NKAIN3: variants seen among roughly 807,000 people sequenced by gnomAD.
NKAIN3 encodes sodium/potassium transporting ATPase interacting 3, also known as sodium/potassium-transporting ATPase subunit beta-1-interacting protein 3.
Under a neutral mutation model 30.2 loss-of-function variants are expected in NKAIN3, and 25 were observed. The observed-to-expected ratio is 0.83, with a 90% CI of 0.60 to 1.16. The LOEUF (loss-of-function observed/expected upper bound fraction) is 1.16. NKAIN3 is among the 50% of genes most tolerant of loss of function. The probability of loss-of-function intolerance (pLI) is 0.00; values close to 1 mark genes in which losing one functional copy is unlikely to be tolerated. For synonymous variants in NKAIN3, 91 were observed against 89.6 expected (o/e 1.02, Z -0.09); for missense variants, 225 against 254.1 (o/e 0.89, Z 0.78).
intron 1 of NKAIN3, among the ~76,000 whole-genome samples, chr8:62,535,449 G>A (rs886698857): frequency 6.6e-6 from 1 of 152,032 alleles, no homozygotes; most frequent in African/African-American, 2.4e-5. Flanking sequence ...AGACTGCCCT[G>A]CCTTCCACTC....
chr8:62,940,239 C>G (rs1412031788), intron 5 of NKAIN3, among the ~76,000 whole-genome samples: 1 of 151,310 alleles, frequency 6.6e-6, no homozygotes, highest in Non-Finnish European at 1.5e-5. Context: ...ATATATGCAT[C>G]TAACACTTGA....
intron 4 of NKAIN3, among the ~76,000 whole-genome samples, chr8:62,871,588 T>C (rs1335703657): frequency 6.6e-6 from 1 of 152,228 alleles, no homozygotes; most frequent in Non-Finnish European, 1.5e-5. Context: ...ATTCATTTTA[T>C]AACTGCAGAG....
At chr8:62,293,112 A>T (rs534589983) in intron 1 of NKAIN3, among the ~76,000 whole-genome samples, 2 of 152,084 alleles carry the variant, frequency 1.3e-5, no homozygotes, top group Admixed American at 6.5e-5. Flanking sequence ...TACACTGTTT[A>T]TTCTAGTTAG....
At chr8:62,756,520 G>A (rs886875390) in intron 4 of NKAIN3, among the ~76,000 whole-genome samples, 1 of 152,028 alleles carries the variant, frequency 6.6e-6, no homozygotes, top group Non-Finnish European at 1.5e-5. Context: ...AATTTAGTTA[G>A]CCTTCACCTT....
chr8:62,806,850 A>T (rs192803539), intron 4 of NKAIN3, among the ~76,000 whole-genome samples: 57 of 151,864 alleles, frequency 3.8e-4, no homozygotes, highest in African/African-American at 1.3e-3. Flanking sequence ...TAAAATAAAA[A>T]CAATATCACC....
intron 1 of NKAIN3, among the ~76,000 whole-genome samples, chr8:62,564,106 A>T (rs1414213015): frequency 6.6e-6 from 1 of 152,242 alleles, no homozygotes; most frequent in Non-Finnish European, 1.5e-5. Context: ...CCTGCTTTCA[A>T]TGATTGTAAC....
At chr8:62,457,195 G>A (rs998871469) in intron 1 of NKAIN3, among the ~76,000 whole-genome samples, 2 of 152,182 alleles carry the variant, frequency 1.3e-5, no homozygotes, top group Non-Finnish European at 2.9e-5. Flanking sequence ...TTAGGTGGGG[G>A]ATATAAACGT....
Position 62,851,440 on chromosome 8 carries a change from C to A in NKAIN3, c.472-67013C>A, listed in dbSNP as rs1819893956. ...GACTTCCTCTTTTCCTAATTGAATA[C>A]CCTTTATTTCCTTCTCCTGCCTGAT... On this transcript the variant is annotated intron_variant, in intron 4 of 6. Transcript: ENST00000623646. Among the ~76,000 whole-genome samples the A allele has an allele frequency of 2.6e-5, 4 of 152,138 alleles. No individual in the cohort carries two copies. In the South Asian group the frequency reaches 8.3e-4, roughly 31 times the overall value.
At chr8:62,357,868 T>C (rs973362760) in intron 1 of NKAIN3, among the ~76,000 whole-genome samples, 2 of 152,240 alleles carry the variant, frequency 1.3e-5, no homozygotes, top group African/African-American at 2.4e-5. Flanking sequence ...TTATTAGTTA[T>C]AATTTATATT....
chr8:62,387,458 C>T (rs769658358), intron 1 of NKAIN3, among the ~76,000 whole-genome samples: 15 of 152,200 alleles, frequency 9.9e-5, no homozygotes, highest in Middle Eastern at 3.4e-3. Flanking sequence ...CCACATTGAA[C>T]GGCCATGTGA....
intron 1 of NKAIN3, among the ~76,000 whole-genome samples, chr8:62,454,112 T>C (rs1319718328): frequency 1.3e-5 from 2 of 151,516 alleles, no homozygotes; most frequent in Non-Finnish European, 2.9e-5. Context: ...TTGCTCAGAG[T>C]CACTTAGCCA....
chr8:62,818,573 A>G (rs1264489974), intron 4 of NKAIN3, among the ~76,000 whole-genome samples: 1 of 99,180 alleles, frequency 1.0e-5, no homozygotes, highest in Non-Finnish European at 2.0e-5. Context: ...TTGTTCACAT[A>G]GCAAATTCTT....
chr8:62,707,300 C>T (rs919607377), intron 3 of NKAIN3, among the ~76,000 whole-genome samples: 1 of 152,086 alleles, frequency 6.6e-6, no homozygotes, highest in Non-Finnish European at 1.5e-5. Context: ...TAAGGAATCT[C>T]CACACTGTTT....
chr8:62,854,020 T>A (rs1057237584), intron 4 of NKAIN3, among the ~76,000 whole-genome samples: 2 of 152,218 alleles, frequency 1.3e-5, no homozygotes, highest in African/African-American at 4.8e-5. Flanking sequence ...TCTGTGAATT[T>A]CTTAATTTTG....
intron 4 of NKAIN3, among the ~76,000 whole-genome samples, chr8:62,776,748 T>C (rs150256461): frequency 2.0e-5 from 3 of 152,276 alleles, no homozygotes; most frequent in African/African-American, 7.2e-5. Context: ...TACACCATGA[T>C]TATGGTATTA....
intron 1 of NKAIN3, among the ~76,000 whole-genome samples, chr8:62,274,565 T>C (rs372597192): frequency 6.6e-6 from 1 of 152,200 alleles, no homozygotes; most frequent in African/African-American, 2.4e-5. Flanking sequence ...ATTTTCTTGC[T>C]CCAGACTGCC....
chr8:62,838,573 C>T (rs1819439305), intron 4 of NKAIN3, among the ~76,000 whole-genome samples: 1 of 151,804 alleles, frequency 6.6e-6, no homozygotes, highest in Non-Finnish European at 1.5e-5. Context: ...TAAGTTTCTG[C>T]CAGAGAAAAT....
chr8:62,900,011 C>T (rs569394245), intron 4 of NKAIN3, among the ~76,000 whole-genome samples: 1 of 143,756 alleles, frequency 7.0e-6, no homozygotes, highest in South Asian at 2.3e-4. Context: ...CCACTTATAC[C>T]CCTAAAGCTA....
intron 1 of NKAIN3, among the ~76,000 whole-genome samples, chr8:62,516,910 A>G (rs1340034319): frequency 6.6e-6 from 1 of 152,132 alleles, no homozygotes; most frequent in African/African-American, 2.4e-5. Flanking sequence ...CCCCGCTTCC[A>G]GAATGTTCCC....
Sources: gnomAD v4.1 joint callset for allele counts (sites outside exome capture counted in the v4.1 genomes callset) on GRCh38, gnomAD v4.1.1 for gene constraint, MANE v1.5 for transcripts, NCBI Gene and HGNC (gene_info 2026-07-23, HGNC 2026-07-21) for gene names.